TMEM74: variants seen among roughly 807,000 people sequenced by gnomAD.
TMEM74 encodes transmembrane protein 74.
A neutral mutation model predicts 18.1 loss-of-function variants in TMEM74; 13 were observed. That is an observed-to-expected ratio of 0.72 (90% CI 0.47 to 1.14). TMEM74 has a LOEUF of 1.14. Among genes scored for constraint, TMEM74 ranks in the 50% most tolerant of loss-of-function variants. The probability of loss-of-function intolerance (pLI) is 0.00; values close to 1 mark genes in which losing one functional copy is unlikely to be tolerated. For missense variants in TMEM74, 372 were observed against 375.9 expected, an observed-to-expected ratio of 0.99 and a Z score of 0.09; for synonymous variants, 159 against 146.6, an observed-to-expected ratio of 1.08 and a Z score of -0.61.
At chr8:108,674,791 C>A (rs962512962) in intron 1 of TMEM74, among the ~76,000 whole-genome samples, 3 of 152,306 alleles carry the variant, frequency 2.0e-5, no homozygotes, top group South Asian at 4.1e-4. Flanking sequence ...TGTGAATTGT[C>A]CTCCGTAGAG....
chr8:108,718,259 T>A (rs748040426), intron 1 of TMEM74, among the ~76,000 whole-genome samples: 4 of 151,974 alleles, frequency 2.6e-5, no homozygotes, highest in Non-Finnish European at 5.9e-5. Flanking sequence ...CGCCCGGCCC[T>A]GACTTAGGTT....
At chr8:108,630,998 C>T (rs186007020) in intron 2 of TMEM74, among the ~76,000 whole-genome samples, 2 of 152,026 alleles carry the variant, frequency 1.3e-5, no homozygotes, top group African/African-American at 4.8e-5. Flanking sequence ...CTCACTCATA[C>T]CGGGACCAAA....
At chr8:108,665,420 A>C (rs1228719251) in intron 1 of TMEM74, among the ~76,000 whole-genome samples, 3 of 152,120 alleles carry the variant, frequency 2.0e-5, no homozygotes, top group Non-Finnish European at 4.4e-5. Flanking sequence ...GAGTAGCAGG[A>C]AGCAGAGGCC....
At chr8:108,701,197 TAAAAA>T (rs34352264) in intron 1 of TMEM74, among the ~76,000 whole-genome samples, 3 of 135,386 alleles carry the variant, frequency 2.2e-5, no homozygotes, top group Admixed American at 1.5e-4. Context: ...ATTCATGACT[TAAAAA>T]AAAAAAAAAA....
intron 1 of TMEM74, among the ~76,000 whole-genome samples, chr8:108,772,608 G>A (rs1330522145): frequency 1.3e-5 from 2 of 152,162 alleles, no homozygotes; most frequent in East Asian, 3.9e-4. Flanking sequence ...CATGAGGTTG[G>A]CCTTGGTGGA....
intron 1 of TMEM74, among the ~76,000 whole-genome samples, chr8:108,681,356 A>G (rs1041256896): frequency 6.6e-6 from 1 of 152,136 alleles, no homozygotes; most frequent in Non-Finnish European, 1.5e-5. Flanking sequence ...CCTCAGAAAT[A>G]ATGCTGCATA....
intron 1 of TMEM74, among the ~76,000 whole-genome samples, chr8:108,674,847 G>C (rs919241224): frequency 1.3e-5 from 2 of 152,146 alleles, no homozygotes; most frequent in African/African-American, 2.4e-5. Context: ...GCTCTGGAGG[G>C]GAGGTGGATT....
At chr8:108,642,400 A>C (rs1475879655) in intron 2 of TMEM74, among the ~76,000 whole-genome samples, 1 of 151,964 alleles carries the variant, frequency 6.6e-6, no homozygotes, top group Non-Finnish European at 1.5e-5. Flanking sequence ...TCAAAAAAAA[A>C]AAAAAAAAGA....
intron 2 of TMEM74, among the ~76,000 whole-genome samples, chr8:108,648,993 C>A (rs1414009344): frequency 6.6e-6 from 1 of 152,098 alleles, no homozygotes; most frequent in Non-Finnish European, 1.5e-5. Context: ...TAAAAATAGT[C>A]ATTTTCTAAC....
intron 2 of TMEM74, among the ~76,000 whole-genome samples, chr8:108,635,627 C>T (rs902854246): frequency 1.3e-5 from 2 of 152,046 alleles, no homozygotes; most frequent in Non-Finnish European, 2.9e-5. Flanking sequence ...TCATATCTCT[C>T]CTCACTTAGA....
chr8:108,673,543 A>G (rs937110571), intron 1 of TMEM74, among the ~76,000 whole-genome samples: 4 of 152,210 alleles, frequency 2.6e-5, no homozygotes, highest in African/African-American at 9.7e-5. Context: ...TGGCCAGCAG[A>G]GAGCATAGCC....
At chr8:108,687,069 A>G (rs1022516127) in intron 1 of TMEM74, among the ~76,000 whole-genome samples, 3 of 152,164 alleles carry the variant, frequency 2.0e-5, no homozygotes, top group Non-Finnish European at 2.9e-5. Context: ...ATTTTAAAAT[A>G]ATGGGAAGGT....
chr8:108,740,097 T>C (rs1377511868), intron 1 of TMEM74, among the ~76,000 whole-genome samples: 3 of 152,088 alleles, frequency 2.0e-5, no homozygotes, highest in African/African-American at 7.2e-5. Context: ...ATAATGGAAC[T>C]ACAATCCATC....
At chr8:108,756,741 A>G (rs1813978114) in intron 1 of TMEM74, among the ~76,000 whole-genome samples, 1 of 55,908 alleles carries the variant, frequency 1.8e-5, no homozygotes, top group East Asian at 8.7e-4. Flanking sequence ...AAAGAGAAAG[A>G]AAGAAGGGAG....
At chr8:108,694,223 C>G (rs147100030) in intron 1 of TMEM74, among the ~76,000 whole-genome samples, 73 of 152,294 alleles carry the variant, frequency 4.8e-4, no homozygotes, top group Non-Finnish European at 8.5e-4. Context: ...TGTTGTGCAA[C>G]CACTACCTCT....
chr8:108,664,755 T>C (rs1018592109), intron 1 of TMEM74, among the ~76,000 whole-genome samples: 1 of 152,004 alleles, frequency 6.6e-6, no homozygotes, highest in African/African-American at 2.4e-5. Flanking sequence ...CCATATAACC[T>C]AGAAGAAACA....
intron 1 of TMEM74, among the ~76,000 whole-genome samples, chr8:108,686,610 C>T (rs185041985): frequency 1.3e-3 from 191 of 152,006 alleles, no homozygotes; most frequent in Admixed American, 5.2e-3. Flanking sequence ...ATGATGTTGT[C>T]TTCCTTTAGC....
chr8:108,614,850 A>G (rs975782776), intron 2 of TMEM74, among the ~76,000 whole-genome samples: 1 of 152,154 alleles, frequency 6.6e-6, no homozygotes, highest in African/African-American at 2.4e-5. Flanking sequence ...TGAATGAACA[A>G]AAAAACAAAC....
intron 1 of TMEM74, among the ~76,000 whole-genome samples, chr8:108,657,859 A>AAAAAAT (rs1554630268): frequency 2.0e-5 from 1 of 49,878 alleles, no homozygotes; most frequent in Admixed American, 3.5e-4. Flanking sequence ...AAAAAAAAAA[A>AAAAAAT]ATATATATAT....
Sources: gnomAD v4.1 joint callset for allele counts (sites outside exome capture counted in the v4.1 genomes callset) on GRCh38, gnomAD v4.1.1 for gene constraint, MANE v1.5 for transcripts, NCBI Gene and HGNC (gene_info 2026-07-23, HGNC 2026-07-21) for gene names.